The following LENG8 variants were observed in gnomAD, a reference collection of about 807,000 sequenced individuals.
LENG8 encodes leukocyte receptor cluster member 8.
A neutral mutation model predicts 102.1 loss-of-function variants in LENG8; 28 were observed. The observed-to-expected ratio is 0.27, with a 90% CI of 0.20 to 0.38. LENG8 has a LOEUF of 0.38. Among genes scored for constraint, LENG8 ranks in the 10% least tolerant of loss-of-function variants. The pLI is 1.00. For synonymous variants in LENG8, 531 were observed against 456.7 expected, an observed-to-expected ratio of 1.16 and a Z score of -2.07; for missense variants, 1,022 against 1,113.9, an observed-to-expected ratio of 0.92 and a Z score of 1.17.
At chr19:54,451,249 G>C (rs950387636) in intron 1 of LENG8, 41 bp from the exon 2 acceptor site, 1 of 1,291,814 alleles carries the variant, frequency 7.7e-7, no homozygotes, top group African/African-American at 1.5e-5. Flanking sequence ...CGTGTTTTTA[G>C]CTCCCCCTTA....
rs2084122771 is a variant in LENG8, at chr19:54,454,567, T to C, written c.564T>C (p.Ala188=). ...ACAGTGGCCCTCAGCCTGGGACAGC[T>C]CCAGCCACACAGCACAGCCAGGCGG... ...TLNSGPQPGT[A]PATQHSQAGP... The change falls in exon 6 of 16, where the codon GCT becomes GCC. Residue 188 remains alanine, a synonymous_variant. Transcript: ENST00000326764. 6.2e-7 allele frequency: 1 copy of C among 1,611,456 alleles called. No individual in the cohort carries two copies. The highest frequency in any genetic ancestry group is 8.5e-7 in the Non-Finnish European group (1 of 1,179,452).
Position 54,458,537 on chromosome 19 carries a change from C to G in LENG8, c.2240+16C>G, listed in dbSNP as rs772185495. ...TGATCAAAACGTATGTGGTGCCAAG[C>G]TCCCTTCTGCCTTTGCTCTTCCCAT... On this transcript the variant is annotated intron_variant, in intron 15 of 15. Coordinates refer to ENST00000326764, the MANE Select transcript of LENG8 (RefSeq NM_052925.4). 6.2e-7 allele frequency: 1 copy of G among 1,614,020 alleles called. No individual in the cohort carries two copies. The highest frequency in any genetic ancestry group is 8.5e-7 in the Non-Finnish European group (1 of 1,179,908).
At chr19:54,460,719 G>GGGGCCCCC in intron 15 of LENG8, 47 bp from the exon 16 acceptor site, 7 of 778,912 alleles carry the variant, frequency 9.0e-6, no homozygotes, top group African/African-American at 1.9e-5. Flanking sequence ...GCCCTCCCCT[G>GGGGCCCCC]CCCTCCCGCC....
chr19:54,455,193 G>A (rs1320498121), intron 7 of LENG8, 101 bp downstream of exon 7: 36 of 1,551,264 alleles, frequency 2.3e-5, no homozygotes, highest in South Asian at 3.4e-5. Flanking sequence ...CTCAGTGTGC[G>A]CCTCTGAAAA....
intron 4 of LENG8, among the ~76,000 whole-genome samples, 192 bp from the exon 5 acceptor site, chr19:54,453,350 ACTAG>A (rs2084048961): frequency 1.3e-5 from 2 of 152,148 alleles, no homozygotes. Flanking sequence ...TCTTCCGAGA[ACTAG>A]CTAAGTGAGA....
chr19:54,454,937 C>G lies in LENG8; in HGVS notation c.680-14C>G. ...CGGGGAAGGGCCTAACCATAGCTTT[C>G]GCTGCCCTCACAGCCGCCCCTGGGA... On this transcript the variant is annotated splice_polypyrimidine_tract_variant and intron_variant, in intron 6 of 15. Transcript: ENST00000326764. The G allele has an allele frequency of 6.2e-7, 1 of 1,614,112 alleles. No homozygotes were observed. Among genetic ancestry groups the G allele is most frequent in the South Asian group, 1.1e-5 (1 of 91,080 alleles).
chr19:54,452,221 G>A lies in LENG8; in HGVS notation c.167G>A (p.Gly56Asp), dbSNP rs1048001012. The A allele has an allele frequency of 4.3e-6, 7 of 1,613,782 alleles. No individual in the cohort carries two copies. The African/African-American group carries it at 6.7e-5, about 15-fold the overall frequency. Reference sequence around the variant, plus strand: ...AGCATCAGCAAGTCAGGAGCTGCCGGCGGCTCTGCCAAGTCCAGCAGCAAT... The same window carrying A: ...AGCATCAGCAAGTCAGGAGCTGCCGACGGCTCTGCCAAGTCCAGCAGCAAT... ...LASISKSGAA[G>D]GSAKSSSNGP... The change falls in exon 3 of 16, where the codon GGC becomes GAC. Residue 56 changes from glycine to aspartate, a missense_variant. This residue lies in a region of LENG8 where 343 missense variants were observed against 320.2 expected (regional missense o/e 1.07). Coordinates refer to ENST00000326764, the MANE Select transcript of LENG8 (RefSeq NM_052925.4).
chr19:54,456,547 G>A (rs373340303), intron 10 of LENG8, 82 bp downstream of exon 10: 39 of 1,533,574 alleles, frequency 2.5e-5, no homozygotes, highest in South Asian at 1.6e-4. Context: ...GAGGAGGGCC[G>A]GACAGGTGGA....
At position 54,456,110 on chromosome 19, in the gene LENG8, C is replaced by T. The variant is rs779064851; in HGVS notation, c.1169C>T (p.Ala390Val). 3.1e-6 allele frequency: 5 copies of T among 1,609,182 alleles called. No homozygotes were observed. Among genetic ancestry groups the T allele is most frequent in the Non-Finnish European group, 3.4e-6 (4 of 1,177,012 alleles). ...SQRGTPGAGG[A>V]GRARGNSFTK... ...CGAGGGACGCCCGGGGCTGGGGGTG[C>T]CGGTCGAGCCCGGGGCAACAGCTTC... The change falls in exon 9 of 16, where the codon GCC becomes GTC. Residue 390 changes from alanine to valine, a missense_variant. Around this residue, in one of 7 missense-constraint regions of LENG8, gnomAD observed 326 missense variants for 324.5 expected, o/e 1.00. Coordinates refer to ENST00000326764, the MANE Select transcript of LENG8 (RefSeq NM_052925.4).
intron 1 of LENG8, chr19:54,449,675 C>T (rs1195143195): frequency 1.3e-5 from 2 of 152,320 alleles, no homozygotes; most frequent in South Asian, 4.1e-4. Flanking sequence ...CGTGGCTAGT[C>T]GTGGGGATCC....
At chr19:54,460,595 G>GGCCCCCCCCGA in intron 15 of LENG8, 171 bp from the exon 16 acceptor site, 2 of 1,398,560 alleles carry the variant, frequency 1.4e-6, no homozygotes, top group Non-Finnish European at 1.9e-6. Context: ...ACCCCCCCCG[G>GGCCCCCCCCGA]GCCCCCCCCG....
In LENG8 at chr19:54,456,935, A is replaced by G. The variant is rs1171735738; in HGVS notation, c.1731+14A>G. 12 of 1,597,870 alleles carry G rather than the reference A, an allele frequency of 7.5e-6. No individual in the cohort carries two copies. The highest frequency in any genetic ancestry group is 1.1e-5 in the South Asian group (1 of 90,020). On this transcript the variant is annotated intron_variant, in intron 11 of 15. Coordinates refer to ENST00000326764, the MANE Select transcript of LENG8 (RefSeq NM_052925.4). Reference sequence around the variant, plus strand: ...CGCCCTGTGGCAGTAAGTGCCCAGCAGGGCAGTTCTGCTCTGTGAGGCCGT... The same window carrying G: ...CGCCCTGTGGCAGTAAGTGCCCAGCGGGGCAGTTCTGCTCTGTGAGGCCGT...
At position 54,451,926 on chromosome 19, in the gene LENG8, C is replaced by T. The variant is rs868037289; in HGVS notation, c.39-167C>T. 1.4e-5 allele frequency: 8 copies of T among 585,982 alleles called. No homozygotes were observed. The Middle Eastern group carries it at 1.8e-3, about 135-fold the overall frequency. 36.3% of individuals were successfully genotyped at this position (585,982 alleles called of 1,614,324 possible). On this transcript the variant is annotated intron_variant, in intron 2 of 15. Coordinates refer to ENST00000326764, the MANE Select transcript of LENG8 (RefSeq NM_052925.4). ...GATCTCATTTATCCCTCCCAGCAGA[C>T]TCTGAAGCAGAAACCCTTTATCAGC...
intron 6 of LENG8, 134 bp downstream of exon 6, chr19:54,454,816 G>T: frequency 7.0e-7 from 1 of 1,433,386 alleles, no homozygotes; most frequent in South Asian, 1.3e-5. Context: ...GGCTGCTCTG[G>T]ACCAGGCACA....
At chr19:54,453,168 T>C (rs1459896312) in intron 4 of LENG8, among the ~76,000 whole-genome samples, 1 of 152,132 alleles carries the variant, frequency 6.6e-6, no homozygotes, top group Non-Finnish European at 1.5e-5. Context: ...AGCCTGTCCC[T>C]CTCCCTTTCT....
Position 54,452,237 on chromosome 19 carries a change from C to G in LENG8, c.183C>G (p.Ser61=). The G allele has an allele frequency of 6.2e-7, 1 of 1,613,488 alleles. No individual in the cohort carries two copies. ...GAGCTGCCGGCGGCTCTGCCAAGTC[C>G]AGCAGCAATGGGCCTGTGGCCAGTG... ...KSGAAGGSAK[S]SSNGPVASAQ... Residue 61 remains serine (S), a synonymous_variant, in exon 3 of 16, where the codon TCC becomes TCG. Transcript: ENST00000326764.
At chr19:54,454,839 CCCT>C in intron 6 of LENG8, 109 bp from the exon 7 acceptor site, 1 of 1,467,156 alleles carries the variant, frequency 6.8e-7, no homozygotes, top group Non-Finnish European at 9.3e-7. Context: ...TGTGCTGGAG[CCCT>C]CCTCTAGAAC....
chr19:54,455,997 T>C lies in LENG8; in HGVS notation c.1056T>C (p.Pro352=), dbSNP rs929823621. The C allele has an allele frequency of 6.2e-7, 1 of 1,613,032 alleles. No homozygotes were observed. Among genetic ancestry groups the C allele is most frequent in the Non-Finnish European group, 8.5e-7 (1 of 1,179,806 alleles). The change falls in exon 9 of 16, where the codon CCT becomes CCC. Residue 352 remains proline, a synonymous_variant. Coordinates refer to ENST00000326764, the MANE Select transcript of LENG8 (RefSeq NM_052925.4). ...CCCGGGAGCCTGTGGCTGAGAGCCC[T>C]AAGAAGAAGCGGTGGGAGGCCGCTA... is the stretch of plus-strand genomic sequence containing the variant. ...GLTREPVAES[P]KKKRWEAASS...
Position 54,452,276 on chromosome 19 carries a change from G to A in LENG8, c.213+9G>A. ...CTGTGGCCAGTGCACAGGTGAGAAG[G>A]CCTCATGGGGCTGGGGTACCCTGAG... is the stretch of plus-strand genomic sequence containing the variant. On this transcript the variant is annotated intron_variant, in intron 3 of 15. Coordinates refer to ENST00000326764, the MANE Select transcript of LENG8 (RefSeq NM_052925.4). The A allele has an allele frequency of 6.3e-7, 1 of 1,597,318 alleles. No individual in the cohort carries two copies.
Sources: gnomAD v4.1 joint callset for allele counts (sites outside exome capture counted in the v4.1 genomes callset) on GRCh38, gnomAD v4.1.1 for gene constraint, gnomAD v4.1.1 regional missense constraint, MANE v1.5 for transcripts, NCBI Gene and HGNC (gene_info 2026-07-23, HGNC 2026-07-21) for gene names.